The following NCAM2 variants were observed in gnomAD, a reference collection of about 807,000 sequenced individuals.
NCAM2 encodes N-CAM-2.
A neutral mutation model predicts 98.1 loss-of-function variants in NCAM2; 30 were observed. That is an observed-to-expected ratio of 0.31 (90% CI 0.23 to 0.41). The LOEUF (loss-of-function observed/expected upper bound fraction) is 0.41, where lower values mean the gene tolerates loss of function less well. Ranked by LOEUF, NCAM2 falls within the 10% of genes least tolerant of loss-of-function variation. The pLI is 1.00. For missense variants in NCAM2, 867 were observed against 1,005.8 expected (o/e 0.86, Z 1.87); for synonymous variants, 368 against 342.4 (o/e 1.07, Z -0.83).
chr21:21,130,226 A>G (rs1186793930), intron 1 of NCAM2, among the ~76,000 whole-genome samples: 1 of 152,186 alleles, frequency 6.6e-6, no homozygotes, highest in Non-Finnish European at 1.5e-5. Context: ...TAGTGTTAAC[A>G]TTATAATTTG....
chr21:21,035,395 A>T (rs1418048431), intron 1 of NCAM2, among the ~76,000 whole-genome samples: 1 of 152,192 alleles, frequency 6.6e-6, no homozygotes, highest in African/African-American at 2.4e-5. Context: ...GAGAAAGGTA[A>T]ATGTTTCAAT....
intron 12 of NCAM2, among the ~76,000 whole-genome samples, chr21:21,436,822 C>T (rs1203283522): frequency 2.0e-5 from 3 of 150,006 alleles, no homozygotes; most frequent in African/African-American, 7.4e-5. Context: ...AGGACAGTGG[C>T]GTGATCTCAG....
intron 12 of NCAM2, among the ~76,000 whole-genome samples, chr21:21,437,213 T>C (rs1188450528): frequency 6.6e-6 from 1 of 152,128 alleles, no homozygotes; most frequent in Admixed American, 6.6e-5. Flanking sequence ...CCGGGAGTTG[T>C]CGTTGTTGTT....
rs572592084 is a variant in NCAM2, at chr21:21,472,002, T to C, written c.1896+3219T>C. Among the ~76,000 whole-genome samples, 26 of 152,202 alleles carry C rather than the reference T, an allele frequency of 1.7e-4. No homozygotes were observed. In the Middle Eastern group the frequency reaches 0.017, roughly 100 times the overall value. Reference sequence around the variant, plus strand: ...AATAAAGACAAACATATTAATCTCATGAAATGTTTGGAAAAAATCATGAAG... The same window carrying C: ...AATAAAGACAAACATATTAATCTCACGAAATGTTTGGAAAAAATCATGAAG... On this transcript the variant is annotated intron_variant, in intron 14 of 17. Coordinates refer to ENST00000400546, the MANE Select transcript of NCAM2 (RefSeq NM_004540.5).
At chr21:21,433,367 T>C (rs2077385648) in intron 12 of NCAM2, among the ~76,000 whole-genome samples, 1 of 152,132 alleles carries the variant, frequency 6.6e-6, no homozygotes, top group Non-Finnish European at 1.5e-5. Flanking sequence ...CGAAGGACTA[T>C]AGTTTTTTTT....
intron 1 of NCAM2, among the ~76,000 whole-genome samples, chr21:21,059,790 G>T (rs1030076543): frequency 6.6e-6 from 1 of 152,078 alleles, no homozygotes; most frequent in Non-Finnish European, 1.5e-5. Context: ...ATGGGTGTTG[G>T]GGTGCCAATA....
chr21:21,203,249 C>T (rs1254939039), intron 1 of NCAM2, among the ~76,000 whole-genome samples: 2 of 152,186 alleles, frequency 1.3e-5, no homozygotes, highest in East Asian at 1.9e-4. Context: ...CTCCTTTTAC[C>T]TATGGCCTTT....
intron 9 of NCAM2, among the ~76,000 whole-genome samples, chr21:21,407,376 G>A (rs1358057893): frequency 6.6e-6 from 1 of 152,162 alleles, no homozygotes; most frequent in African/African-American, 2.4e-5. Flanking sequence ...TGTATTGCCT[G>A]TAGCAAGTAT....
chr21:21,449,075 C>T (rs981703183), intron 12 of NCAM2, among the ~76,000 whole-genome samples: 5 of 152,036 alleles, frequency 3.3e-5, no homozygotes, highest in African/African-American at 9.7e-5. Context: ...AACCTCCTCA[C>T]TTATCTTAAG....
intron 1 of NCAM2, 98 bp downstream of exon 1, chr21:20,998,716 C>G (rs2063965081): frequency 3.4e-6 from 4 of 1,163,750 alleles, no homozygotes; most frequent in Admixed American, 4.0e-5. Flanking sequence ...AATGAAAGAA[C>G]TAAAGTTACA....
chr21:21,468,818 T>G, intron 14 of NCAM2, 35 bp downstream of exon 14: 1 of 1,567,638 alleles, frequency 6.4e-7, no homozygotes, highest in Non-Finnish European at 8.7e-7. Flanking sequence ...TCATGCTAGG[T>G]TTTTTCAAAT....
intron 15 of NCAM2, among the ~76,000 whole-genome samples, chr21:21,488,188 G>T (rs1400790367): frequency 1.3e-5 from 2 of 151,834 alleles, no homozygotes; most frequent in African/African-American, 4.8e-5. Flanking sequence ...AAATATTCAA[G>T]TTCTTTTTAA....
At chr21:21,371,876 C>A (rs2075923645) in intron 8 of NCAM2, among the ~76,000 whole-genome samples, 1 of 151,710 alleles carries the variant, frequency 6.6e-6, no homozygotes, top group Non-Finnish European at 1.5e-5. Flanking sequence ...CACACACACA[C>A]ACACACACAC....
chr21:21,216,980 T>C (rs536125402), intron 1 of NCAM2, among the ~76,000 whole-genome samples: 1 of 152,276 alleles, frequency 6.6e-6, no homozygotes, highest in East Asian at 1.9e-4. Context: ...GTGATTATCT[T>C]TGGCAATCAT....
At chr21:21,366,013 T>G (rs1347724805) in intron 8 of NCAM2, among the ~76,000 whole-genome samples, 1 of 152,056 alleles carries the variant, frequency 6.6e-6, no homozygotes, top group Non-Finnish European at 1.5e-5. Context: ...TGACCTGAAC[T>G]GTGTCTTTTC....
At chr21:21,154,286 T>G (rs1224982872) in intron 1 of NCAM2, among the ~76,000 whole-genome samples, 4 of 151,904 alleles carry the variant, frequency 2.6e-5, no homozygotes, top group Non-Finnish European at 5.9e-5. Flanking sequence ...TTTATGAGCT[T>G]TGGTAAAGAA....
chr21:21,530,727 G>A (rs888197582), intron 16 of NCAM2, among the ~76,000 whole-genome samples: 15 of 151,602 alleles, frequency 9.9e-5, no homozygotes, highest in African/African-American at 3.4e-4. Flanking sequence ...ATATAATAAA[G>A]TATTTCTCTG....
intron 16 of NCAM2, among the ~76,000 whole-genome samples, chr21:21,533,306 G>T (rs761033474): frequency 1.3e-5 from 2 of 151,276 alleles, no homozygotes; most frequent in Non-Finnish European, 3.0e-5. Flanking sequence ...CTAGTCCCTG[G>T]CAACTACAGA....
chr21:21,458,485 CA>C (rs1982482411), intron 12 of NCAM2, among the ~76,000 whole-genome samples: 1 of 152,118 alleles, frequency 6.6e-6, no homozygotes, highest in Non-Finnish European at 1.5e-5. Context: ...GGGAGTGGAG[CA>C]AATCAATGGG....
Sources: gnomAD v4.1 joint callset for allele counts (sites outside exome capture counted in the v4.1 genomes callset) on GRCh38, gnomAD v4.1.1 for gene constraint, MANE v1.5 for transcripts, NCBI Gene and HGNC (gene_info 2026-07-23, HGNC 2026-07-21) for gene names.